Variants in QTRT2 observed in about 807,000 individuals in gnomAD.
The protein encoded by QTRT2 is queuine tRNA-ribosyltransferase accessory subunit 2.
Under a neutral mutation model 44.8 loss-of-function variants are expected in QTRT2, and 32 were observed. The ratio of observed to expected loss-of-function variants is 0.71; its 90% CI spans 0.54 to 0.96. QTRT2 has a LOEUF of 0.96. Ranked by LOEUF, QTRT2 falls within the 40% of genes least tolerant of loss-of-function variation. QTRT2 has a pLI of 0.00. For synonymous variants in QTRT2, 182 were observed against 187.4 expected, an observed-to-expected ratio of 0.97 and a Z score of 0.24; for missense variants, 461 against 503.1, an observed-to-expected ratio of 0.92 and a Z score of 0.80.
At position 114,056,760 on chromosome 3, in the gene QTRT2, C is replaced by T. The variant is rs993852389; in HGVS notation, c.-234C>T. On this transcript the variant is annotated 5_prime_UTR_variant, in exon 1 of 10. Coordinates refer to ENST00000281273, the MANE Select transcript of QTRT2 (RefSeq NM_024638.4). ...GCAGTACTCCCTGATTGGCTCTGCA[C>T]TGGAGGCAGTGATTTTGGGGCAGAG... The T allele has an allele frequency of 1.3e-5, 19 of 1,468,620 alleles. No individual in the cohort carries two copies. The highest frequency in any genetic ancestry group is 2.1e-5 in the Admixed American group (1 of 48,528). 91.0% of individuals were successfully genotyped at this position (1,468,620 alleles called of 1,614,324 possible). A position where few individuals can be genotyped will look rare whatever the true frequency, so the allele number is the denominator to read the frequency against.
In QTRT2 at chr3:114,066,288, AAATT is replaced by A; in HGVS notation, c.256+8_256+11del. On this transcript the variant is annotated splice_donor_region_variant and intron_variant, in intron 4 of 9. Coordinates refer to ENST00000281273, the MANE Select transcript of QTRT2 (RefSeq NM_024638.4). ...AAGGAGTTGGAAAGTTTATAGGTAA[AAATT>A]AAGTTACTTATATGTGCCTTGTGAT... The A allele has an allele frequency of 3.8e-6, 6 of 1,564,560 alleles. No individual in the cohort carries two copies. The highest frequency in any genetic ancestry group is 5.3e-6 in the Non-Finnish European group (6 of 1,136,268).
At chr3:114,084,185 C>G (rs1228520933) in intron 9 of QTRT2, among the ~76,000 whole-genome samples, 3 of 152,076 alleles carry the variant, frequency 2.0e-5, no homozygotes, top group Admixed American at 6.6e-5. Flanking sequence ...GCCTCAGCCT[C>G]CCAAGTAGCT....
At chr3:114,077,090 G>GCAGACTGTAAGGGGAGTTTCCAT in intron 7 of QTRT2, 148 bp downstream of exon 7, 1 of 716,448 alleles carries the variant, frequency 1.4e-6, no homozygotes, top group Non-Finnish European at 2.3e-6. Flanking sequence ...AGGTGCTGAG[G>GCAGACTGTAAGGGGAGTTTCCAT]CAGACTGTAA....
chr3:114,057,628 TA>T (rs2076817962), intron 2 of QTRT2: 1 of 152,254 alleles, frequency 6.6e-6, no homozygotes, highest in South Asian at 2.1e-4. Context: ...AACTATGCAG[TA>T]CCACGAAGTA....
chr3:114,084,082 G>T (rs1421704822), intron 9 of QTRT2, among the ~76,000 whole-genome samples: 2 of 149,936 alleles, frequency 1.3e-5, no homozygotes, highest in Non-Finnish European at 1.5e-5. Flanking sequence ...TTTTTGTGGG[G>T]GGCAGAGTGT....
intron 8 of QTRT2, chr3:114,082,423 G>A (rs2077179589): frequency 4.3e-6 from 1 of 234,244 alleles, no homozygotes. Context: ...ACGATTATAT[G>A]TTATATACTT....
At chr3:114,083,684 A>G (rs370949465) in intron 9 of QTRT2, among the ~76,000 whole-genome samples, 4 of 152,268 alleles carry the variant, frequency 2.6e-5, no homozygotes, top group East Asian at 1.9e-4. Context: ...GATAGTACAG[A>G]CTTGAGAGTT....
intron 2 of QTRT2, among the ~76,000 whole-genome samples, chr3:114,058,522 A>G (rs1356320280): frequency 6.6e-6 from 1 of 152,090 alleles, no homozygotes; most frequent in Non-Finnish European, 1.5e-5. Context: ...TGTTTTCTAG[A>G]ATTGTAGCGT....
intron 2 of QTRT2, among the ~76,000 whole-genome samples, chr3:114,057,800 A>G (rs2076822527): frequency 6.6e-6 from 1 of 152,228 alleles, no homozygotes; most frequent in Admixed American, 6.5e-5. Context: ...ACTCCCTCCC[A>G]TATGCAAGTA....
chr3:114,060,883 A>G (rs1474936542), intron 2 of QTRT2, among the ~76,000 whole-genome samples: 1 of 152,184 alleles, frequency 6.6e-6, no homozygotes, highest in Non-Finnish European at 1.5e-5. Flanking sequence ...GATCTGATCA[A>G]TGTGACAGCT....
chr3:114,082,946 CTCTT>C, intron 9 of QTRT2, 152 bp downstream of exon 9: 1 of 623,810 alleles, frequency 1.6e-6, no homozygotes, highest in Non-Finnish European at 2.9e-6. Context: ...TTCAAAAAAA[CTCTT>C]TATTTTCTTC....
At chr3:114,079,334 G>A (rs1199591471) in intron 7 of QTRT2, 2 of 152,508 alleles carry the variant, frequency 1.3e-5, no homozygotes, top group Non-Finnish European at 2.9e-5. Flanking sequence ...CTGAGGTCAG[G>A]AGTTCAAGAC....
chr3:114,077,065 G>T, intron 7 of QTRT2, 123 bp downstream of exon 7: 1 of 943,018 alleles, frequency 1.1e-6, no homozygotes, highest in African/African-American at 1.6e-5. Context: ...TGTCCTTTCT[G>T]GGCTGAGTCT....
At position 114,080,072 on chromosome 3, in the gene QTRT2, G is replaced by A. The variant is rs746842150; in HGVS notation, c.898+15G>A. The A allele has an allele frequency of 8.9e-6, 14 of 1,568,700 alleles. No homozygotes were observed. In the South Asian group the frequency reaches 1.7e-4, roughly 19 times the overall value. On this transcript the variant is annotated intron_variant, in intron 8 of 9. Transcript: ENST00000281273. ...TGAAGAGACACGTAAGTCTTTTGAA[G>A]TTTATCTCTTATCCTTAAGTTTCTT...
At chr3:114,065,203 G>T in intron 2 of QTRT2, 34 bp from the exon 3 acceptor site, 1 of 1,495,146 alleles carries the variant, frequency 6.7e-7, no homozygotes, top group South Asian at 1.2e-5. Flanking sequence ...GTGTTGTGAA[G>T]CTCCTTCTAT....
chr3:114,056,855 TTGTTGGCAGG>T lies in QTRT2; in HGVS notation c.-137_-130+2del. The T allele has an allele frequency of 6.5e-7, 1 of 1,535,870 alleles. No homozygotes were observed. The highest frequency in any genetic ancestry group is 8.7e-7 in the Non-Finnish European group (1 of 1,146,766). On this transcript the variant is annotated splice_donor_variant and 5_prime_UTR_variant, in exon 1 of 10. Transcript: ENST00000281273. LOFTEE classifies it low-confidence loss of function (5UTR_SPLICE). ...CTGAAGACTGAAAGAGTCGAATGGT[TTGTTGGCAGG>T]TAAGTGCCCCTTTGCCCTGCTGGTG...
chr3:114,064,813 C>A (rs2076931354), intron 2 of QTRT2, among the ~76,000 whole-genome samples: 1 of 152,122 alleles, frequency 6.6e-6, no homozygotes, highest in Non-Finnish European at 1.5e-5. Flanking sequence ...TTAGCCTTCC[C>A]TCAAATTGGA....
intron 6 of QTRT2, among the ~76,000 whole-genome samples, chr3:114,073,282 G>A (rs929683264): frequency 9.2e-5 from 14 of 152,158 alleles, no homozygotes; most frequent in African/African-American, 3.4e-4. Context: ...ATGATTATTA[G>A]AAAGGTCAGA....
In QTRT2 at chr3:114,065,277, A is replaced by G. The variant is rs754165154; in HGVS notation, c.20A>G (p.Lys7Arg). 1.2e-6 allele frequency: 2 copies of G among 1,614,120 alleles called. No individual in the cohort carries two copies. Among genetic ancestry groups the G allele is most frequent in the South Asian group, 1.1e-5 (1 of 91,082 alleles). Reference protein sequence around the residue: MKLSLTKVVNGCRLGKI... With the variant: MKLSLTRVVNGCRLGKI... The stretch of plus-strand genomic sequence containing the variant: ...CTTAGGATGAAGCTGAGTCTTACCA[A>G]GGTAGTTAATGGCTGTCGCCTAGGA... The change falls in exon 3 of 10, where the codon AAG becomes AGG. Residue 7 changes from lysine to arginine, a missense_variant. Transcript: ENST00000281273.
Sources: gnomAD v4.1 joint callset for allele counts (sites outside exome capture counted in the v4.1 genomes callset) on GRCh38, gnomAD v4.1.1 for gene constraint, MANE v1.5 for transcripts, NCBI Gene and HGNC (gene_info 2026-07-23, HGNC 2026-07-21) for gene names.